PRKAR1A: variants seen among roughly 807,000 people sequenced by gnomAD.
PRKAR1A encodes the protein protein kinase cAMP-dependent type I regulatory subunit alpha.
A neutral mutation model predicts 52.0 loss-of-function variants in PRKAR1A; 3 were observed. The ratio of observed to expected loss-of-function variants is 0.06; its 90% CI spans 0.03 to 0.15. The LOEUF is 0.15. Ranked by LOEUF, PRKAR1A falls within the 10% of genes least tolerant of loss-of-function variation. The pLI is 1.00. For synonymous variants in PRKAR1A, 188 were observed against 168.4 expected (o/e 1.12, Z -0.90); for missense variants, 240 against 477.4 (o/e 0.50, Z 4.63).
the PRKAR1A span, among the ~76,000 whole-genome samples, chr17:68,432,853 C>T: frequency 6.6e-6 from 1 of 152,226 alleles, no homozygotes; most frequent in African/African-American, 2.4e-5. Flanking sequence ...TTTCTCACTC[C>T]TCCATCTTTC....
chr17:68,455,181 G>A, the PRKAR1A span, among the ~76,000 whole-genome samples: 1 of 151,972 alleles, frequency 6.6e-6, no homozygotes, highest in South Asian at 2.1e-4. Flanking sequence ...GGGCAATGTG[G>A]CAAAACCCCG....
At chr17:68,452,945 C>T in the PRKAR1A span, 1 of 1,614,102 alleles carries the variant, frequency 6.2e-7, no homozygotes, top group Admixed American at 1.7e-5. Flanking sequence ...CTCCACAGAA[C>T]TCAGAGAAAA....
the PRKAR1A span, among the ~76,000 whole-genome samples, chr17:68,485,568 G>A: frequency 1.3e-5 from 2 of 152,054 alleles, no homozygotes; most frequent in East Asian, 3.9e-4. Flanking sequence ...TGATGATAAT[G>A]CCCGCACCAC....
chr17:68,533,638 G>A (rs2952271), downstream of PRKAR1A, among the ~76,000 whole-genome samples: 108,832 of 152,150 alleles, frequency 0.72, 39,333 homozygotes, highest in East Asian at 0.9. Context: ...CCCTGGCAGT[G>A]TATGTTTAGA....
At chr17:68,444,025 A>C in the PRKAR1A span, among the ~76,000 whole-genome samples, 28 of 152,346 alleles carry the variant, frequency 1.8e-4, no homozygotes, top group South Asian at 2.1e-4. Context: ...ATATCGTCGA[A>C]GTAGAGAGAT....
chr17:68,538,287 G>A (rs2086154117), downstream of PRKAR1A, among the ~76,000 whole-genome samples: 1 of 152,220 alleles, frequency 6.6e-6, no homozygotes, highest in South Asian at 2.1e-4. Flanking sequence ...TGTGTAAGCA[G>A]CTTAATTGAC....
At chr17:68,444,378 A>T in the PRKAR1A span, 13 of 905,690 alleles carry the variant, frequency 1.4e-5, no homozygotes, top group Non-Finnish European at 1.9e-5. Context: ...AAACCTCACT[A>T]AGACTCAAAA....
chr17:68,542,703 C>CA, intron 11 of PRKAR1A: 1 of 1,613,264 alleles, frequency 6.2e-7, no homozygotes, highest in Non-Finnish European at 8.5e-7. Context: ...CCTGGAGAGA[C>CA]AAAGAAAACA....
chr17:68,477,277 T>C, the PRKAR1A span, among the ~76,000 whole-genome samples: 3 of 152,256 alleles, frequency 2.0e-5, no homozygotes, highest in Non-Finnish European at 2.9e-5. Context: ...ATTCATTTAA[T>C]TCTTTTCTTT....
At chr17:68,530,175 ACTGATTGTCTCATAT>A in intron 10 of PRKAR1A, 87 bp from the exon 11 acceptor site, 3 of 1,515,986 alleles carry the variant, frequency 2.0e-6, no homozygotes, top group Non-Finnish European at 2.7e-6. Context: ...TAATGAAATT[ACTGATTGTCTCATAT>A]CTATTGTCTT....
the PRKAR1A span, among the ~76,000 whole-genome samples, chr17:68,445,123 T>C: frequency 1.3e-5 from 2 of 152,130 alleles, no homozygotes; most frequent in African/African-American, 4.8e-5. Context: ...TTTCACCATG[T>C]TGATCAGGCT....
rs1447298204 is a variant in PRKAR1A at position 68,527,703 on chromosome 17, C to T, written c.709-137C>T. 4.4e-6 allele frequency: 3 copies of T among 684,358 alleles called. No individual in the cohort carries two copies. The East Asian group carries it at 8.4e-5, about 19-fold the overall frequency. The allele number at this position is 684,358 out of a possible 1,614,324, so 42.4% of individuals were successfully genotyped here. ...TAAAAATGAATTAGTTAAAATTAAACTTTCCTCATTAAAAGCAACAAGCTT... is the reference window on the plus strand; with the variant it reads ...TAAAAATGAATTAGTTAAAATTAAATTTTCCTCATTAAAAGCAACAAGCTT... On this transcript the variant is annotated intron_variant, in intron 7 of 10. Coordinates refer to ENST00000589228, the MANE Select transcript of PRKAR1A (RefSeq NM_002734.5).
chr17:68,506,730 C>T, the PRKAR1A span, among the ~76,000 whole-genome samples: 7 of 152,162 alleles, frequency 4.6e-5, no homozygotes, highest in African/African-American at 9.7e-5. Context: ...GATCTGCCCA[C>T]CTCAGCCTCC....
chr17:68,484,230 C>G, the PRKAR1A span, among the ~76,000 whole-genome samples: 1 of 152,168 alleles, frequency 6.6e-6, no homozygotes, highest in Admixed American at 6.5e-5. Context: ...TTAAATCTAT[C>G]CATTTATTTA....
At chr17:68,542,563 C>A (rs1388203161) in intron 11 of PRKAR1A, 14 of 761,900 alleles carry the variant, frequency 1.8e-5, no homozygotes, top group Non-Finnish European at 3.3e-5. Flanking sequence ...GAGTGTCTTA[C>A]AACTTCATAC....
the PRKAR1A span, among the ~76,000 whole-genome samples, chr17:68,427,833 C>G: frequency 6.6e-6 from 1 of 152,184 alleles, no homozygotes; most frequent in African/African-American, 2.4e-5. Context: ...GGTGCCCTGG[C>G]CACAGCAGGA....
At chr17:68,549,562 T>A (rs1418783780) in intron 11 of PRKAR1A, among the ~76,000 whole-genome samples, 2 of 152,116 alleles carry the variant, frequency 1.3e-5, no homozygotes, top group Non-Finnish European at 2.9e-5. Flanking sequence ...GAACAGAATC[T>A]ATGGACCTGG....
At chr17:68,464,537 T>A in the PRKAR1A span, among the ~76,000 whole-genome samples, 1 of 151,884 alleles carries the variant, frequency 6.6e-6, no homozygotes, top group Non-Finnish European at 1.5e-5. Flanking sequence ...AAAAATTAGC[T>A]GGGTGTGGTG....
At chr17:68,489,945 A>T in the PRKAR1A span, among the ~76,000 whole-genome samples, 4 of 152,346 alleles carry the variant, frequency 2.6e-5, no homozygotes, top group African/African-American at 9.6e-5. Context: ...CTTAAGTAAT[A>T]TAAAGGGGTG....
Sources: gnomAD v4.1 joint callset for allele counts (sites outside exome capture counted in the v4.1 genomes callset) on GRCh38, gnomAD v4.1.1 for gene constraint, MANE v1.5 for transcripts, NCBI Gene and HGNC (gene_info 2026-07-23, HGNC 2026-07-21) for gene names.